Variants in TTLL5 observed in about 807,000 individuals in gnomAD.
TTLL5 encodes the protein tubulin polyglutamylase TTLL5.
A neutral mutation model predicts 168.4 loss-of-function variants in TTLL5; 132 were observed. The ratio of observed to expected loss-of-function variants is 0.78; its 90% CI spans 0.68 to 0.91. The LOEUF is 0.91. Among genes scored for constraint, TTLL5 ranks in the 40% least tolerant of loss-of-function variants. The probability of loss-of-function intolerance (pLI) is 0.00; values close to 1 mark genes in which losing one functional copy is unlikely to be tolerated. For synonymous variants in TTLL5, 546 were observed against 558.6 expected, an observed-to-expected ratio of 0.98 and a Z score of 0.32; for missense variants, 1,545 against 1,581.5, an observed-to-expected ratio of 0.98 and a Z score of 0.39.
chr14:75,807,862 G>T (rs1163123053), intron 27 of TTLL5, among the ~76,000 whole-genome samples: 1 of 152,206 alleles, frequency 6.6e-6, no homozygotes, highest in African/African-American at 2.4e-5. Flanking sequence ...GAGAAACAAG[G>T]AGTTGAACTT....
intron 17 of TTLL5, among the ~76,000 whole-genome samples, chr14:75,748,778 C>A (rs1889769664): frequency 6.6e-6 from 1 of 152,154 alleles, no homozygotes; most frequent in African/African-American, 2.4e-5. Context: ...TACTGTCAGA[C>A]TTCTTAATTT....
At chr14:75,762,173 A>G (rs1330071014) in intron 18 of TTLL5, among the ~76,000 whole-genome samples, 1 of 152,064 alleles carries the variant, frequency 6.6e-6, no homozygotes, top group Non-Finnish European at 1.5e-5. Context: ...AGGCGGGTGG[A>G]TCACGAGGTC....
chr14:75,772,996 C>T (rs1489982391), intron 21 of TTLL5, among the ~76,000 whole-genome samples: 1 of 152,034 alleles, frequency 6.6e-6, no homozygotes, highest in Admixed American at 6.6e-5. Context: ...AGGGATTTGT[C>T]ACCAAAAGGA....
In TTLL5 at chr14:75,910,904, C is replaced by T. The variant is rs189516562; in HGVS notation, c.3823+8680C>T. Among the ~76,000 whole-genome samples the T allele has an allele frequency of 1.4e-4, 21 of 152,316 alleles. No individual in the cohort carries two copies. The East Asian group carries it at 1.7e-3, about 13-fold the overall frequency. ...GTAGTCTCTTATACTTCTTTGTTCT[C>T]GTCTTTTGAACATGCAGGTATTTCC... On this transcript the variant is annotated intron_variant, in intron 31 of 31. Transcript: ENST00000298832.
chr14:75,670,835 A>T (rs532170577), intron 3 of TTLL5, among the ~76,000 whole-genome samples: 2 of 152,344 alleles, frequency 1.3e-5, no homozygotes, highest in East Asian at 3.8e-4. Flanking sequence ...ATTTACAAAT[A>T]TTCTTACTCT....
intron 9 of TTLL5, among the ~76,000 whole-genome samples, chr14:75,713,947 T>C (rs537412897): frequency 6.6e-6 from 1 of 152,240 alleles, no homozygotes; most frequent in Admixed American, 6.5e-5. Context: ...CTGCCAATTG[T>C]CCTAAGATTT....
intron 31 of TTLL5, among the ~76,000 whole-genome samples, chr14:75,907,573 C>T (rs924648426): frequency 2.0e-5 from 3 of 152,176 alleles, no homozygotes; most frequent in Non-Finnish European, 4.4e-5. Flanking sequence ...ATTATTTACC[C>T]ACCACAGGAT....
intron 28 of TTLL5, among the ~76,000 whole-genome samples, chr14:75,830,812 G>A (rs893817502): frequency 2.6e-5 from 4 of 152,150 alleles, no homozygotes; most frequent in Non-Finnish European, 5.9e-5. Context: ...AAAAGCATGA[G>A]TGAATGGATA....
chr14:75,913,215 T>G (rs2033460876), intron 31 of TTLL5, among the ~76,000 whole-genome samples: 1 of 152,204 alleles, frequency 6.6e-6, no homozygotes, highest in Non-Finnish European at 1.5e-5. Flanking sequence ...GCATGTTGAT[T>G]GTCTGCTCCC....
chr14:75,670,304 A>G (rs1357025000), intron 3 of TTLL5, among the ~76,000 whole-genome samples: 1 of 152,006 alleles, frequency 6.6e-6, no homozygotes, highest in Non-Finnish European at 1.5e-5. Flanking sequence ...GCCTTAAGCA[A>G]TCCTGCCTTG....
intron 15 of TTLL5, among the ~76,000 whole-genome samples, chr14:75,740,335 A>T (rs967209553): frequency 1.3e-5 from 2 of 152,170 alleles, no homozygotes; most frequent in African/African-American, 4.8e-5. Context: ...TATTTGTTCC[A>T]TTATTTTACT....
Position 75,766,290 on chromosome 14 carries a change from A to G in TTLL5, c.1937A>G (p.His646Arg), listed in dbSNP as rs1223629458. 1.2e-6 allele frequency: 2 copies of G among 1,614,108 alleles called. No individual in the cohort carries two copies. Among genetic ancestry groups the G allele is most frequent in the Non-Finnish European group, 1.7e-6 (2 of 1,179,986 alleles). Residue 646 changes from histidine (H) to arginine (R), a missense_variant, in exon 20 of 32, where the codon CAC becomes CGC. His to Arg is a conservative substitution (Grantham distance 29). Coordinates refer to ENST00000298832, the MANE Select transcript of TTLL5 (RefSeq NM_015072.5). ...KVREWNNKGG[H>R]CCKLETQELE... is the part of the protein sequence containing the mutation. ...CGTGAATGGAATAATAAAGGTGGAC[A>G]CTGCTGCAAACTTGAGACTCAGGAG...
intron 27 of TTLL5, among the ~76,000 whole-genome samples, chr14:75,802,434 T>C (rs968872076): frequency 1.2e-4 from 19 of 152,256 alleles, no homozygotes; most frequent in African/African-American, 4.6e-4. Context: ...TGAATTTAAA[T>C]TACTTGTGCT....
At chr14:75,766,456 A>AT in intron 20 of TTLL5, 88 bp downstream of exon 20, 1 of 1,202,798 alleles carries the variant, frequency 8.3e-7, no homozygotes, top group Non-Finnish European at 1.1e-6. Context: ...TTTTACAGTC[A>AT]TTTTTCATTT....
chr14:75,678,294 C>A (rs918839073), intron 3 of TTLL5, among the ~76,000 whole-genome samples: 3 of 152,218 alleles, frequency 2.0e-5, no homozygotes, highest in Admixed American at 6.5e-5. Flanking sequence ...ATATTTGCTT[C>A]TCTCTTTCTG....
chr14:75,667,751 G>GTTTTTTTTTTTTTTTTTTTTTTTTTTTT (rs67181555), intron 2 of TTLL5, among the ~76,000 whole-genome samples: 2 of 89,084 alleles, frequency 2.2e-5, no homozygotes, highest in Non-Finnish European at 4.0e-5. Flanking sequence ...ATCTTTTTAT[G>GTTTTTTTTTTTTTTTTTTTTTTTTTTTT]TTTTTTTTTT....
At chr14:75,927,490 A>C (rs942948333) in intron 31 of TTLL5, among the ~76,000 whole-genome samples, 3 of 152,240 alleles carry the variant, frequency 2.0e-5, no homozygotes, top group Non-Finnish European at 4.4e-5. Context: ...AGAAAGTAAG[A>C]GGAAAAAAAA....
intron 4 of TTLL5, among the ~76,000 whole-genome samples, chr14:75,682,765 T>C (rs1202877628): frequency 3.9e-5 from 6 of 151,924 alleles, no homozygotes; most frequent in African/African-American, 9.7e-5. Flanking sequence ...TTTTTTTTTT[T>C]TTTTAATTTT....
chr14:75,909,105 T>C (rs72725640), intron 31 of TTLL5, among the ~76,000 whole-genome samples: 2,964 of 151,926 alleles, frequency 0.02, 52 homozygotes, highest in Admixed American at 0.036. Flanking sequence ...TGCCCTGGCA[T>C]TTGGGATCCT....
Sources: allele counts gnomAD v4.1 joint callset (sites outside exome capture counted in the v4.1 genomes callset), GRCh38; gene constraint gnomAD v4.1.1; transcripts MANE v1.5; gene names NCBI Gene and HGNC (gene_info 2026-07-23, HGNC 2026-07-21).